MACC1: variants seen among roughly 807,000 people sequenced by gnomAD.
The protein encoded by MACC1 is MET transcriptional regulator MACC1.
Under a neutral mutation model 70.7 loss-of-function variants are expected in MACC1, and 79 were observed. The observed-to-expected ratio is 1.12, with a 90% confidence interval of 0.93 to 1.35. The LOEUF (loss-of-function observed/expected upper bound fraction) is 1.35, where lower values mean the gene tolerates loss of function less well. Among genes scored for constraint, MACC1 ranks in the 40% most tolerant of loss-of-function variants. The probability of loss-of-function intolerance (pLI) is 0.00; values close to 1 mark genes in which losing one functional copy is unlikely to be tolerated. For synonymous variants in MACC1, 361 were observed against 347.2 expected, an observed-to-expected ratio of 1.04 and a Z score of -0.44; for missense variants, 1,106 against 978.1, an observed-to-expected ratio of 1.13 and a Z score of -1.74.
chr7:20,151,157 G>C (rs753300719), intron 6 of MACC1, among the ~76,000 whole-genome samples: 3 of 152,040 alleles, frequency 2.0e-5, no homozygotes, highest in Non-Finnish European at 2.9e-5. Flanking sequence ...TGTTAAGCAA[G>C]GGGGCCAATG....
In MACC1 at chr7:20,134,769, C is replaced by T. The variant is rs539943678; in HGVS notation, c.*6177G>A. 3.9e-5 allele frequency: 6 copies of T among 152,216 alleles called. No homozygotes were observed. The South Asian group carries it at 1.2e-3, about 32-fold the overall frequency. 9.4% of individuals were successfully genotyped at this position (152,216 alleles called of 1,614,324 possible). Reference sequence around the variant, plus strand: ...ATTAGGGACATTTAAAATCTACTTCCAGTCACAAAAGGGCAGAGTCTTGAT... The same window carrying T: ...ATTAGGGACATTTAAAATCTACTTCTAGTCACAAAAGGGCAGAGTCTTGAT... On this transcript the variant is annotated 3_prime_UTR_variant, in exon 7 of 7. Transcript: ENST00000400331.
intron 1 of MACC1, among the ~76,000 whole-genome samples, chr7:20,191,023 C>T (rs756995496): frequency 1.3e-5 from 2 of 152,202 alleles, no homozygotes; most frequent in Admixed American, 6.5e-5. Flanking sequence ...ACACTACTTG[C>T]ACTAATCTAA....
At chr7:20,173,916 A>G (rs1782352873) in intron 1 of MACC1, among the ~76,000 whole-genome samples, 1 of 152,218 alleles carries the variant, frequency 6.6e-6, no homozygotes, top group Non-Finnish European at 1.5e-5. Flanking sequence ...GAGTATGTTC[A>G]TAACGTGGAC....
intron 1 of MACC1, among the ~76,000 whole-genome samples, chr7:20,178,559 C>T (rs189583965): frequency 2.0e-5 from 3 of 152,276 alleles, no homozygotes; most frequent in African/African-American, 7.2e-5. Flanking sequence ...TCTTGAGAGT[C>T]TTTAGTTTCA....
chr7:20,175,093 C>G (rs373805114), intron 1 of MACC1, among the ~76,000 whole-genome samples: 1 of 152,094 alleles, frequency 6.6e-6, no homozygotes, highest in South Asian at 2.1e-4. Flanking sequence ...GACTTGGCCT[C>G]TGTTTCTATA....
intron 1 of MACC1, among the ~76,000 whole-genome samples, chr7:20,192,232 C>T (rs1363723721): frequency 4.6e-5 from 7 of 151,990 alleles, no homozygotes; most frequent in Non-Finnish European, 7.4e-5. Flanking sequence ...TATTATTGAG[C>T]AGGTAAACAA....
At position 20,140,703 on chromosome 7, in the gene MACC1, T is replaced by A. The variant is rs1781783580; in HGVS notation, c.*243A>T. The A allele has an allele frequency of 1.8e-5, 7 of 382,158 alleles. No individual in the cohort carries two copies. Among genetic ancestry groups the A allele is most frequent in the Non-Finnish European group, 3.2e-5 (7 of 216,654 alleles). 23.7% of individuals were successfully genotyped at this position (382,158 alleles called of 1,614,324 possible). On this transcript the variant is annotated 3_prime_UTR_variant, in exon 7 of 7. Transcript: ENST00000400331. ...AATACATATTTGAGGATAAAACCCA[T>A]CTTGGTTATCAGTTAGGCTGTGCTT...
intron 1 of MACC1, among the ~76,000 whole-genome samples, chr7:20,191,716 C>G (rs1782676261): frequency 6.6e-6 from 1 of 152,152 alleles, no homozygotes; most frequent in South Asian, 2.1e-4. Context: ...CCTTCCCTTT[C>G]CAGGACCTCT....
intron 6 of MACC1, 62 bp from the exon 7 acceptor site, chr7:20,141,220 T>TA (rs1178284230): frequency 8.3e-5 from 96 of 1,157,274 alleles, no homozygotes; most frequent in Admixed American, 1.5e-4. Context: ...AAATCGTTTT[T>TA]AAAAAAAAGA....
intron 1 of MACC1, among the ~76,000 whole-genome samples, chr7:20,210,419 AT>A (rs1336486629): frequency 2.6e-5 from 4 of 152,142 alleles, no homozygotes; most frequent in South Asian, 2.1e-4. Context: ...TTATGTATGT[AT>A]TTGTCACTTT....
intron 5 of MACC1, among the ~76,000 whole-genome samples, chr7:20,156,485 AC>A: frequency 6.6e-6 from 1 of 152,378 alleles, no homozygotes; most frequent in East Asian, 1.9e-4. Flanking sequence ...CACTAAAAAA[AC>A]AAAAGAAATT....
At chr7:20,184,188 T>C (rs1166281185) in intron 1 of MACC1, among the ~76,000 whole-genome samples, 2 of 152,162 alleles carry the variant, frequency 1.3e-5, no homozygotes, top group South Asian at 2.1e-4. Context: ...TTGAATTATA[T>C]AGTGGTGAAT....
chr7:20,210,583 C>T (rs1562604846), intron 1 of MACC1, among the ~76,000 whole-genome samples: 1 of 152,182 alleles, frequency 6.6e-6, no homozygotes, highest in Non-Finnish European at 1.5e-5. Flanking sequence ...AATGTGCATG[C>T]TTCTTAGGCT....
At chr7:20,207,369 CT>C (rs1469523332) in intron 1 of MACC1, among the ~76,000 whole-genome samples, 1 of 151,304 alleles carries the variant, frequency 6.6e-6, no homozygotes, top group Non-Finnish European at 1.5e-5. Context: ...CCAGCCTGGT[CT>C]CAAACTCCTG....
rs373149975 is a variant in MACC1, at chr7:20,159,584, G to C, written c.777C>G (p.His259Gln). 6.3e-5 allele frequency: 101 copies of C among 1,613,988 alleles called. No homozygotes were observed. The highest frequency in any genetic ancestry group is 8.1e-5 in the Non-Finnish European group (96 of 1,180,036). The change falls in exon 5 of 7, where the codon CAC becomes CAG. Residue 259 changes from histidine to glutamine, a missense_variant. By Grantham distance (24) the His-to-Gln change is conservative. Coordinates refer to ENST00000400331, the MANE Select transcript of MACC1 (RefSeq NM_182762.4). ...VSLRAFLDPP[H>Q]MLNHDLSCTV... is the part of the protein sequence containing the mutation. The stretch of plus-strand genomic sequence containing the variant: ...TGCACGAAAGATCATGGTTAAGCAT[G>C]TGTGGCGGATCAAGGAAAGCCCTTA...
Position 20,135,371 on chromosome 7 carries a change from T to C in MACC1, c.*5575A>G, listed in dbSNP as rs1781705864. 1 of 152,204 alleles carries C rather than the reference T, an allele frequency of 6.6e-6. No individual in the cohort carries two copies. The highest frequency in any genetic ancestry group is 1.5e-5 in the Non-Finnish European group (1 of 68,042). The allele number at this position is 152,204 out of a possible 1,614,324, so 9.4% of individuals were successfully genotyped here. ...AAATAGAGCCTTAACATAAAGTGAT[T>C]TTCGGTTCTTTAGCACAATTTTTAA... On this transcript the variant is annotated 3_prime_UTR_variant, in exon 7 of 7. Transcript: ENST00000400331.
chr7:20,154,397 C>G lies in MACC1; in HGVS notation c.2158-16G>C, dbSNP rs1381568392. 1 of 1,606,540 alleles carries G rather than the reference C, an allele frequency of 6.2e-7. No homozygotes were observed. Among genetic ancestry groups the G allele is most frequent in the East Asian group, 2.2e-5 (1 of 44,716 alleles). On this transcript the variant is annotated splice_polypyrimidine_tract_variant and intron_variant, in intron 5 of 6. Transcript: ENST00000400331. ...TCAGAAGAGCCTGCAGCAACAATTA[C>G]ATGTCACAATTAAAAGCAACTAACT... is the stretch of plus-strand genomic sequence containing the variant.
chr7:20,193,418 T>C (rs905121732), intron 1 of MACC1, among the ~76,000 whole-genome samples: 2 of 152,248 alleles, frequency 1.3e-5, no homozygotes, highest in Admixed American at 1.3e-4. Context: ...AATGTATATA[T>C]TACAGATAAA....
At chr7:20,171,837 C>T (rs1170540209) in intron 1 of MACC1, among the ~76,000 whole-genome samples, 2 of 152,146 alleles carry the variant, frequency 1.3e-5, no homozygotes, top group Non-Finnish European at 2.9e-5. Context: ...CCACCTCGGC[C>T]TCACAGAGAC....
Sources: allele counts gnomAD v4.1 joint callset (sites outside exome capture counted in the v4.1 genomes callset), GRCh38; gene constraint gnomAD v4.1.1; transcripts MANE v1.5; gene names NCBI Gene and HGNC (gene_info 2026-07-23, HGNC 2026-07-21).